PABPC4L: variants seen among roughly 807,000 people sequenced by gnomAD.
PABPC4L encodes polyadenylate-binding protein 4-like.
For missense variants in PABPC4L, 452 were observed against 451.4 expected (o/e 1.00, Z -0.01); for synonymous variants, 169 against 164.1 (o/e 1.03, Z -0.23).
At chr4:133,974,040 C>A in the PABPC4L span, among the ~76,000 whole-genome samples, 2 of 152,026 alleles carry the variant, frequency 1.3e-5, no homozygotes, top group Non-Finnish European at 2.9e-5. Context: ...GTAAGGAAAC[C>A]AGAAAGGCCA....
chr4:133,962,398 C>T, the PABPC4L span, among the ~76,000 whole-genome samples: 40 of 152,152 alleles, frequency 2.6e-4, no homozygotes, highest in South Asian at 3.5e-3. Context: ...CAAGAAGTGA[C>T]GGGAGAAATA....
chr4:134,033,020 CTTTT>C, the PABPC4L span, among the ~76,000 whole-genome samples: 4 of 138,860 alleles, frequency 2.9e-5, no homozygotes, highest in Non-Finnish European at 4.7e-5. Context: ...CACAAGTATC[CTTTT>C]TTTTTTTTTT....
At chr4:134,174,194 T>A in the PABPC4L span, among the ~76,000 whole-genome samples, 15 of 152,100 alleles carry the variant, frequency 9.9e-5, no homozygotes, top group African/African-American at 3.6e-4. Flanking sequence ...TCATCTCATA[T>A]CTCATCAAAT....
chr4:133,980,726 A>G, the PABPC4L span, among the ~76,000 whole-genome samples: 1 of 152,216 alleles, frequency 6.6e-6, no homozygotes, highest in African/African-American at 2.4e-5. Flanking sequence ...GGAACTTGTT[A>G]TGAAATTTTC....
the PABPC4L span, among the ~76,000 whole-genome samples, chr4:134,031,127 AG>A: frequency 2.6e-5 from 4 of 151,990 alleles, no homozygotes; most frequent in East Asian, 7.7e-4. Flanking sequence ...CATAACAAGA[AG>A]GTTTTTTTCC....
the PABPC4L span, among the ~76,000 whole-genome samples, chr4:134,039,290 G>A: frequency 6.6e-6 from 1 of 152,240 alleles, no homozygotes; most frequent in East Asian, 1.9e-4. Flanking sequence ...TGAGAAGAAT[G>A]TATATTCTAT....
At chr4:134,151,594 A>C in the PABPC4L span, among the ~76,000 whole-genome samples, 1 of 152,146 alleles carries the variant, frequency 6.6e-6, no homozygotes, top group Non-Finnish European at 1.5e-5. Context: ...ACACATACAA[A>C]ATTGTCAGAA....
chr4:134,190,903 C>T, the PABPC4L span, among the ~76,000 whole-genome samples: 2 of 152,090 alleles, frequency 1.3e-5, no homozygotes, highest in South Asian at 2.1e-4. Flanking sequence ...CTGCCCACCT[C>T]GGCCTCCCAA....
chr4:134,107,984 A>C, the PABPC4L span, among the ~76,000 whole-genome samples: 1 of 151,598 alleles, frequency 6.6e-6, no homozygotes, highest in Non-Finnish European at 1.5e-5. Flanking sequence ...GATTATATTA[A>C]AGCTTAAGAG....
the PABPC4L span, among the ~76,000 whole-genome samples, chr4:134,071,266 G>A: frequency 6.6e-6 from 1 of 151,962 alleles, no homozygotes; most frequent in Admixed American, 6.6e-5. Context: ...CCCATCATCT[G>A]TGTCCTCCCT....
chr4:133,993,183 T>A, the PABPC4L span, among the ~76,000 whole-genome samples: 1 of 152,292 alleles, frequency 6.6e-6, no homozygotes, highest in South Asian at 2.1e-4. Context: ...AAAATTAAGG[T>A]AAATAAGGCT....
chr4:134,036,883 T>C, the PABPC4L span, among the ~76,000 whole-genome samples: 1 of 151,924 alleles, frequency 6.6e-6, no homozygotes, highest in Non-Finnish European at 1.5e-5. Flanking sequence ...TGGTGAAACA[T>C]TGTTTCTACT....
chr4:134,049,634 T>C, the PABPC4L span, among the ~76,000 whole-genome samples: 3 of 152,216 alleles, frequency 2.0e-5, no homozygotes, highest in Non-Finnish European at 4.4e-5. Context: ...ATAATGTAGC[T>C]GACTACTCTG....
chr4:133,962,409 T>C, the PABPC4L span, among the ~76,000 whole-genome samples: 3 of 152,084 alleles, frequency 2.0e-5, no homozygotes, highest in African/African-American at 7.2e-5. Context: ...GGGAGAAATA[T>C]CCAAGGGAAT....
At chr4:134,172,808 T>A in the PABPC4L span, among the ~76,000 whole-genome samples, 14 of 151,602 alleles carry the variant, frequency 9.2e-5, no homozygotes, top group African/African-American at 3.4e-4. Context: ...ATAAAAAATA[T>A]TAAAATATAT....
the PABPC4L span, among the ~76,000 whole-genome samples, chr4:134,079,187 G>C: frequency 2.0e-5 from 3 of 150,124 alleles, no homozygotes; most frequent in Admixed American, 1.3e-4. Context: ...GGCCAGGCTG[G>C]TCTCAAACTC....
rs1729756360 is a variant in PABPC4L at position 134,198,998 on chromosome 4, T to A, written c.*909A>T. 1 of 151,968 alleles carries A rather than the reference T, an allele frequency of 6.6e-6. No individual in the cohort carries two copies. The highest frequency in any genetic ancestry group is 1.5e-5 in the Non-Finnish European group (1 of 67,890). 9.4% of individuals were successfully genotyped at this position (151,968 alleles called of 1,614,324 possible). The stretch of plus-strand genomic sequence containing the variant: ...GAGAAAATCACTACACAAAACAATA[T>A]AAAAGAGATTTTAAAAGTTTTTAAA... On this transcript the variant is annotated 3_prime_UTR_variant, in exon 2 of 2. Transcript: ENST00000421491.
chr4:133,984,557 A>C, the PABPC4L span, among the ~76,000 whole-genome samples: 1 of 151,928 alleles, frequency 6.6e-6, no homozygotes. Context: ...AAATATATTT[A>C]CACTATCTCT....
the PABPC4L span, among the ~76,000 whole-genome samples, chr4:134,091,590 A>G: frequency 6.6e-6 from 1 of 151,900 alleles, no homozygotes; most frequent in Non-Finnish European, 1.5e-5. Context: ...AATTCCTCTG[A>G]TATTTTCCTC....
Sources: allele counts gnomAD v4.1 joint callset (sites outside exome capture counted in the v4.1 genomes callset), GRCh38; gene constraint gnomAD v4.1.1; transcripts MANE v1.5; gene names NCBI Gene and HGNC (gene_info 2026-07-23, HGNC 2026-07-21).